Variants in RAPGEF4 observed in about 807,000 individuals in gnomAD.
RAPGEF4 encodes RAP guanine-nucleotide-exchange factor (GEF) 4.
A neutral mutation model predicts 147.9 loss-of-function variants in RAPGEF4; 66 were observed. The ratio of observed to expected loss-of-function variants is 0.45; its 90% CI spans 0.37 to 0.55. The LOEUF is 0.55. Among genes scored for constraint, RAPGEF4 ranks in the 20% least tolerant of loss-of-function variants. RAPGEF4 has a pLI of 0.00. For missense variants in RAPGEF4, 1,071 were observed against 1,257.3 expected (o/e 0.85, Z 2.24); for synonymous variants, 419 against 442.7 (o/e 0.95, Z 0.67).
intron 4 of RAPGEF4, among the ~76,000 whole-genome samples, chr2:172,901,590 G>T (rs749257841): frequency 2.0e-5 from 3 of 152,368 alleles, no homozygotes; most frequent in Admixed American, 6.5e-5. Context: ...TGATGAAGTA[G>T]AGGAAATGGG....
chr2:172,903,769 G>C (rs553969121), intron 4 of RAPGEF4, among the ~76,000 whole-genome samples: 2 of 152,240 alleles, frequency 1.3e-5, no homozygotes, highest in African/African-American at 2.4e-5. Flanking sequence ...ATATATGAAT[G>C]CTTCCTGAGA....
intron 4 of RAPGEF4, among the ~76,000 whole-genome samples, chr2:172,886,920 G>A (rs542216252): frequency 3.3e-5 from 5 of 152,280 alleles, no homozygotes; most frequent in African/African-American, 1.2e-4. Context: ...GGGCGCGGTG[G>A]CTCTTGCCTG....
At chr2:172,871,352 G>A (rs185962224) in intron 4 of RAPGEF4, among the ~76,000 whole-genome samples, 1 of 152,334 alleles carries the variant, frequency 6.6e-6, no homozygotes, top group East Asian at 1.9e-4. Flanking sequence ...TCTGCAGTGA[G>A]AAAGCTGACT....
intron 24 of RAPGEF4, 75 bp downstream of exon 24, chr2:173,026,772 G>A (rs1696703548): frequency 2.0e-6 from 3 of 1,535,280 alleles, no homozygotes; most frequent in Non-Finnish European, 2.7e-6. Context: ...TAGTTTGTAA[G>A]TGCTAATATG....
At chr2:172,883,586 C>T (rs17706770) in intron 4 of RAPGEF4, among the ~76,000 whole-genome samples, 28,590 of 152,030 alleles carry the variant, frequency 0.19, 3,423 homozygotes, top group Middle Eastern at 0.29. Context: ...CATGGTCAAA[C>T]GTTAATAGAG....
chr2:172,743,301 A>G (rs1268482786), intron 1 of RAPGEF4, among the ~76,000 whole-genome samples: 1 of 152,114 alleles, frequency 6.6e-6, no homozygotes, highest in African/African-American at 2.4e-5. Flanking sequence ...ACAGAAAACA[A>G]TCTGGCTGAC....
At chr2:173,016,718 A>G (rs1434167605) in intron 19 of RAPGEF4, among the ~76,000 whole-genome samples, 2 of 152,192 alleles carry the variant, frequency 1.3e-5, no homozygotes, top group Non-Finnish European at 2.9e-5. Flanking sequence ...CCTTAGGTTC[A>G]AGGCAGTGAA....
At position 172,860,039 on chromosome 2, in the gene RAPGEF4, A is replaced by C. The variant is rs952883709; in HGVS notation, c.444+45614A>C. The C allele has an allele frequency of 3.5e-5, 34 of 985,248 alleles. No individual in the cohort carries two copies. In the Middle Eastern group the frequency reaches 2.1e-3, roughly 60 times the overall value. The allele number at this position is 985,248 out of a possible 1,614,324, so 61.0% of individuals were successfully genotyped here. A position where few individuals can be genotyped will look rare whatever the true frequency, so the allele number is the denominator to read the frequency against. On this transcript the variant is annotated intron_variant, in intron 4 of 30. Transcript: ENST00000397081. ...CCCTGCTCTGTTCACTGGCTCTTTAATTTAGATTACCAATGATAAAGCCGG... is the reference window on the plus strand; with the variant it reads ...CCCTGCTCTGTTCACTGGCTCTTTACTTTAGATTACCAATGATAAAGCCGG...
At chr2:172,958,186 C>A (rs1332724619) in intron 6 of RAPGEF4, among the ~76,000 whole-genome samples, 1 of 152,166 alleles carries the variant, frequency 6.6e-6, no homozygotes, top group African/African-American at 2.4e-5. Flanking sequence ...AGAAACAAAT[C>A]CCATACCCAT....
At chr2:173,044,759 C>T (rs181751628) in intron 29 of RAPGEF4, among the ~76,000 whole-genome samples, 4 of 152,286 alleles carry the variant, frequency 2.6e-5, no homozygotes, top group African/African-American at 9.6e-5. Flanking sequence ...CTAAAGGAGG[C>T]GCTCTAATGT....
At chr2:172,747,522 A>C (rs966369848) in intron 1 of RAPGEF4, among the ~76,000 whole-genome samples, 1 of 152,212 alleles carries the variant, frequency 6.6e-6, no homozygotes, top group Non-Finnish European at 1.5e-5. Context: ...GCTAGAGTGC[A>C]GTGGCACAAT....
At chr2:172,977,702 G>A (rs941343040) in intron 10 of RAPGEF4, among the ~76,000 whole-genome samples, 3 of 152,132 alleles carry the variant, frequency 2.0e-5, no homozygotes, top group Non-Finnish European at 2.9e-5. Context: ...CAATCCTAAT[G>A]ACATGTTGAG....
intron 4 of RAPGEF4, among the ~76,000 whole-genome samples, chr2:172,837,209 A>T (rs1691047258): frequency 6.6e-6 from 1 of 152,226 alleles, no homozygotes; most frequent in African/African-American, 2.4e-5. Context: ...CTATATGACT[A>T]ATGCTTGCTA....
At chr2:173,010,603 C>T (rs536175221) in intron 17 of RAPGEF4, among the ~76,000 whole-genome samples, 10 of 152,308 alleles carry the variant, frequency 6.6e-5, no homozygotes, top group African/African-American at 1.9e-4. Context: ...TTCTTTATTC[C>T]TTGGCTGCTA....
chr2:172,877,977 A>T (rs1351455697), intron 4 of RAPGEF4, among the ~76,000 whole-genome samples: 1 of 152,198 alleles, frequency 6.6e-6, no homozygotes, highest in African/African-American at 2.4e-5. Flanking sequence ...AATAAACTCT[A>T]AGAAACTTTG....
chr2:172,959,788 T>A (rs1689100306), intron 6 of RAPGEF4, among the ~76,000 whole-genome samples: 1 of 152,238 alleles, frequency 6.6e-6, no homozygotes, highest in Non-Finnish European at 1.5e-5. Context: ...AATACCTCCA[T>A]CTGAAGAATG....
At chr2:172,951,836 C>A (rs1013120634) in intron 6 of RAPGEF4, among the ~76,000 whole-genome samples, 1 of 151,924 alleles carries the variant, frequency 6.6e-6, no homozygotes, top group African/African-American at 2.4e-5. Flanking sequence ...ATGATCTGAT[C>A]TATGTTTTTA....
rs1036889166 is a variant in RAPGEF4, at chr2:172,911,739, A to G, written c.445-6063A>G. Among the ~76,000 whole-genome samples, 11 of 147,570 alleles carry G rather than the reference A, an allele frequency of 7.5e-5. No individual in the cohort carries two copies. The South Asian group carries it at 1.3e-3, about 17-fold the overall frequency. Reference sequence around the variant, plus strand: ...CTCCCAAAATGTTGGGATTACAGACATGAACCACTGTGCTAAGCCTTTTTT... The same window carrying G: ...CTCCCAAAATGTTGGGATTACAGACGTGAACCACTGTGCTAAGCCTTTTTT... On this transcript the variant is annotated intron_variant, in intron 4 of 30. Coordinates refer to ENST00000397081, the MANE Select transcript of RAPGEF4 (RefSeq NM_007023.4).
rs1041247190 is a variant in RAPGEF4, at chr2:173,020,678, G to A, written c.2216G>A (p.Arg739His). The A allele has an allele frequency of 2.8e-5, 45 of 1,613,828 alleles. No homozygotes were observed. The highest frequency in any genetic ancestry group is 2.8e-5 in the Non-Finnish European group (33 of 1,179,950). Residue 739 changes from arginine to histidine, a missense_variant, in exon 23 of 31, where the codon CGC (arginine) becomes CAC (histidine). By Grantham distance (29) the Arg-to-His change is conservative. Transcript: ENST00000397081. ...SVFTTLTING[R>H]LFACPREQFD... ...TTTACGACGCTCACCATTAATGGAC[G>A]CCTGTTTGCTTGCCCGCGAGAGCAA...
Sources: allele counts gnomAD v4.1 joint callset (sites outside exome capture counted in the v4.1 genomes callset), GRCh38; gene constraint gnomAD v4.1.1; transcripts MANE v1.5; gene names NCBI Gene and HGNC (gene_info 2026-07-23, HGNC 2026-07-21).